The following MPRIP variants were observed in gnomAD, a reference collection of about 807,000 sequenced individuals.
The protein encoded by MPRIP is myosin phosphatase Rho interacting protein.
MPRIP carries 59 observed loss-of-function variants against 234.9 expected under a neutral mutation model. The ratio of observed to expected loss-of-function variants is 0.25; its 90% CI spans 0.20 to 0.31. The LOEUF is 0.31. Among genes scored for constraint, MPRIP ranks in the 10% least tolerant of loss-of-function variants. MPRIP has a pLI of 1.00. For synonymous variants in MPRIP, 1,144 were observed against 1,263.9 expected, an observed-to-expected ratio of 0.91 and a Z score of 2.01; for missense variants, 2,436 against 3,071.0, an observed-to-expected ratio of 0.79 and a Z score of 4.89.
rs538000912 is a variant in MPRIP, at chr17:17,165,662, G to C, written c.4071G>C (p.Ser1357=). The change falls in exon 16 of 24, where the codon TCG becomes TCC. Residue 1357 remains serine (S), a synonymous_variant. Transcript: ENST00000651222. ...ACACCAGCCAGGACCGGTCACCCTC[G>C]GAAGAAAGCATGTCCTCAGAGCCTG... ...SSDTSQDRSP[S]EESMSSEPAP... 1 of 1,304,954 alleles carries C rather than the reference G, an allele frequency of 7.7e-7. No homozygotes were observed. The highest frequency in any genetic ancestry group is 1.5e-5 in the African/African-American group (1 of 65,872). The allele number at this position is 1,304,954 out of a possible 1,614,324, so 80.8% of individuals were successfully genotyped here.
chr17:17,113,791 A>G (rs1383645359), intron 3 of MPRIP, among the ~76,000 whole-genome samples: 3 of 151,682 alleles, frequency 2.0e-5, no homozygotes, highest in African/African-American at 7.3e-5. Context: ...CAACACTGAC[A>G]GTTTTCTGTT....
intron 19 of MPRIP, among the ~76,000 whole-genome samples, 154 bp from the exon 20 acceptor site, chr17:17,175,139 T>A (rs960439641): frequency 1.3e-5 from 2 of 152,336 alleles, no homozygotes. Flanking sequence ...CACTAGTTAT[T>A]GTGACAGAAA....
chr17:17,048,882 C>G (rs961476634), intron 1 of MPRIP, among the ~76,000 whole-genome samples: 1 of 152,190 alleles, frequency 6.6e-6, no homozygotes, highest in Admixed American at 6.5e-5. Flanking sequence ...TACTTGTATA[C>G]AAATGTTCAT....
intron 4 of MPRIP, among the ~76,000 whole-genome samples, chr17:17,129,792 A>G (rs2090561608): frequency 6.6e-6 from 1 of 152,230 alleles, no homozygotes; most frequent in Non-Finnish European, 1.5e-5. Context: ...CACCTCCAGC[A>G]TGCTCCACAC....
chr17:17,050,332 AAAAG>A (rs2088498533), intron 1 of MPRIP, among the ~76,000 whole-genome samples: 1 of 151,854 alleles, frequency 6.6e-6, no homozygotes, highest in Non-Finnish European at 1.5e-5. Flanking sequence ...AAAAAAAAAA[AAAAG>A]AGGTGAAATT....
intron 3 of MPRIP, among the ~76,000 whole-genome samples, chr17:17,108,362 G>A (rs1406208143): frequency 2.0e-5 from 3 of 152,164 alleles, no homozygotes; most frequent in Non-Finnish European, 2.9e-5. Context: ...GACAGCCATC[G>A]GAGCCAAGCC....
intron 1 of MPRIP, among the ~76,000 whole-genome samples, chr17:17,052,661 G>A (rs751599303): frequency 2.0e-5 from 3 of 152,226 alleles, no homozygotes; most frequent in Non-Finnish European, 4.4e-5. Context: ...GTGGTGGGGC[G>A]TGTGTGTGAA....
At chr17:17,070,040 G>A (rs1179639425) in intron 1 of MPRIP, among the ~76,000 whole-genome samples, 1 of 152,114 alleles carries the variant, frequency 6.6e-6, no homozygotes, top group African/African-American at 2.4e-5. Context: ...TAGGTTGACA[G>A]GTGTTTTCTT....
chr17:17,145,369 C>G (rs1470285311), intron 9 of MPRIP, among the ~76,000 whole-genome samples: 1 of 152,232 alleles, frequency 6.6e-6, no homozygotes, highest in Non-Finnish European at 1.5e-5. Flanking sequence ...TCTGTGGGGC[C>G]AGCCAGGTGG....
At position 17,138,205 on chromosome 17, in the gene MPRIP, C is replaced by CAGAG; in HGVS notation, c.1026_1027insAGAG (p.Tyr343ArgfsTer9). 1.2e-6 allele frequency: 1 copy of CAGAG among 806,940 alleles called. No homozygotes were observed. Among genetic ancestry groups the CAGAG allele is most frequent in the Non-Finnish European group, 1.9e-6 (1 of 528,078 alleles). 50.0% of individuals were successfully genotyped at this position (806,940 alleles called of 1,614,324 possible). A position where few individuals can be genotyped will look rare whatever the true frequency, so the allele number is the denominator to read the frequency against. Reference sequence around the variant, plus strand: ...TGGATGTGGCCAGCCAGCCACCTGCCTACGTGGACTCTGGCAGCACTAGGG... The same window carrying CAGAG: ...TGGATGTGGCCAGCCAGCCACCTGCCAGAGTACGTGGACTCTGGCAGCACTAGGG... On this transcript the variant is annotated frameshift_variant, in exon 7 of 24. Coordinates refer to ENST00000651222, the MANE Select transcript of MPRIP (RefSeq NM_001364716.4). LOFTEE classifies it high-confidence loss of function. The surrounding 1 kb of genome is among the most constrained non-coding windows in gnomAD (Gnocchi z 5.8).
intron 1 of MPRIP, among the ~76,000 whole-genome samples, chr17:17,051,891 G>A (rs58985674): frequency 5.3e-5 from 8 of 152,274 alleles, no homozygotes; most frequent in Admixed American, 3.9e-4. Context: ...CTTGGGCGCA[G>A]CTTGGCGGTT....
chr17:17,173,979 C>T lies in MPRIP; in HGVS notation c.6654C>T (p.Cys2218=), dbSNP rs766862062. 1.2e-6 allele frequency: 2 copies of T among 1,613,758 alleles called. No individual in the cohort carries two copies. The highest frequency in any genetic ancestry group is 2.2e-5 in the East Asian group (1 of 44,880). The change falls in exon 19 of 24, where the codon TGC becomes TGT. Residue 2218 remains cysteine (C), a synonymous_variant. Transcript: ENST00000651222. The part of the protein sequence containing the change: ...EVLSEQYSQK[C]LENAHLAQAL... ...TCTCGGAGCAGTACTCGCAGAAGTG[C>T]CTGGAGAATGCCCATCTGGCCCAGG... is the stretch of plus-strand genomic sequence containing the variant.
intron 3 of MPRIP, among the ~76,000 whole-genome samples, chr17:17,095,592 T>C (rs1040440073): frequency 6.6e-6 from 1 of 152,106 alleles, no homozygotes; most frequent in Non-Finnish European, 1.5e-5. Flanking sequence ...TCTTGGACTT[T>C]TCCTGCTGTT....
rs558052120 is a variant in MPRIP at position 17,165,714 on chromosome 17, G to A, written c.4123G>A (p.Asp1375Asn). The A allele has an allele frequency of 8.4e-6, 11 of 1,305,030 alleles. No individual in the cohort carries two copies. Among genetic ancestry groups the A allele is most frequent in the South Asian group, 1.2e-5 (1 of 81,032 alleles). 80.8% of individuals were successfully genotyped at this position (1,305,030 alleles called of 1,614,324 possible). ...ACCCAGTGTACTGCCTGCAACTGGCGACTCTGACACGTACCTCTCCATCAT... is the reference window on the plus strand; with the variant it reads ...ACCCAGTGTACTGCCTGCAACTGGCAACTCTGACACGTACCTCTCCATCAT... ...PAPSVLPATG[D>N]SDTYLSIIHS... Residue 1375 changes from aspartate to asparagine, a missense_variant, in exon 16 of 24, where the codon GAC (aspartate) becomes AAC (asparagine). Physicochemically the swap from Asp to Asn is conservative, Grantham distance 23 (BLOSUM62 1). Transcript: ENST00000651222.
chr17:17,164,263 CGATCCGGCACCACGAGGCTGA>C lies in MPRIP; in HGVS notation c.2680_2700del (p.His894_Arg900del). On this transcript the variant is annotated inframe_deletion, in exon 16 of 24. Coordinates refer to ENST00000651222, the MANE Select transcript of MPRIP (RefSeq NM_001364716.4). ...CGTAGCTATGGGGAGGCCAAGGACA[CGATCCGGCACCACGAGGCTGA>C]GATCCGGAGCCTTCAGGCACGGCTC... 1 of 1,304,254 alleles carries C rather than the reference CGATCCGGCACCACGAGGCTGA, an allele frequency of 7.7e-7. No individual in the cohort carries two copies. Among genetic ancestry groups the C allele is most frequent in the Non-Finnish European group, 1.0e-6 (1 of 988,988 alleles). The allele number at this position is 1,304,254 out of a possible 1,614,324, so 80.8% of individuals were successfully genotyped here.
At chr17:17,122,478 C>T (rs976613429) in intron 3 of MPRIP, among the ~76,000 whole-genome samples, 1 of 152,174 alleles carries the variant, frequency 6.6e-6, no homozygotes, top group Non-Finnish European at 1.5e-5. Context: ...CTCAGCCTCC[C>T]GAGTAGCTGG....
intron 1 of MPRIP, among the ~76,000 whole-genome samples, chr17:17,053,115 G>T (rs1030902950): frequency 1.3e-5 from 2 of 151,986 alleles, no homozygotes; most frequent in African/African-American, 4.8e-5. Flanking sequence ...CGCGGGAGGG[G>T]TGGGTCAGGG....
intron 1 of MPRIP, among the ~76,000 whole-genome samples, chr17:17,058,268 T>C (rs1003578532): frequency 1.3e-5 from 2 of 152,020 alleles, no homozygotes; most frequent in African/African-American, 4.8e-5. Context: ...AGCAGGGACC[T>C]GGGGAGAGGA....
chr17:17,096,811 G>A (rs757390360), intron 3 of MPRIP: 3 of 471,040 alleles, frequency 6.4e-6, no homozygotes, highest in South Asian at 1.5e-5. Flanking sequence ...GAAACCACAA[G>A]GGAGCTTGGA....
Sources: gnomAD v4.1 joint callset for allele counts (sites outside exome capture counted in the v4.1 genomes callset) on GRCh38, gnomAD v4.1.1 for gene constraint, Gnocchi (gnomAD v3.1) non-coding constraint, MANE v1.5 for transcripts, NCBI Gene and HGNC (gene_info 2026-07-23, HGNC 2026-07-21) for gene names.